SASH1: variants seen among roughly 807,000 people sequenced by gnomAD.
The protein encoded by SASH1 is SAM and SH3 domain containing 1, also known as SAM and SH3 domain-containing protein 1.
In SASH1, 44 loss-of-function variants were observed where a neutral mutation model predicts 125.2. The ratio of observed to expected loss-of-function variants is 0.35; its 90% CI spans 0.28 to 0.45. The LOEUF (loss-of-function observed/expected upper bound fraction) is 0.45, where lower values mean the gene tolerates loss of function less well. SASH1 is among the 20% of genes least tolerant of loss of function. The pLI, the probability that SASH1 is intolerant of heterozygous loss-of-function variation, is 1.00. For synonymous variants in SASH1, 639 were observed against 649.1 expected (o/e 0.98, Z 0.24); for missense variants, 1,426 against 1,614.5 (o/e 0.88, Z 2.00).
At chr6:148,503,476 TAC>T (rs1191759777) in intron 8 of SASH1, among the ~76,000 whole-genome samples, 6 of 152,254 alleles carry the variant, frequency 3.9e-5, no homozygotes, top group African/African-American at 1.2e-4. Context: ...GCATCATTAA[TAC>T]ATTGTATTGT....
intron 11 of SASH1, among the ~76,000 whole-genome samples, chr6:148,526,887 CT>C (rs763931328): frequency 8.8e-6 from 1 of 113,554 alleles, no homozygotes; most frequent in Non-Finnish European, 1.8e-5. Context: ...TTTTTTTTCC[CT>C]CTGAGAGGGA....
At chr6:148,418,143 T>C (rs1784903355) in intron 2 of SASH1, among the ~76,000 whole-genome samples, 1 of 152,238 alleles carries the variant, frequency 6.6e-6, no homozygotes, top group African/African-American at 2.4e-5. Context: ...CATTGTTCTT[T>C]CTATAGTTAA....
At chr6:148,233,753 A>AAAAAAAAAAAAAAAAAAAAAAAAAC in the SASH1 span, among the ~76,000 whole-genome samples, 1 of 146,056 alleles carries the variant, frequency 6.8e-6, no homozygotes, top group East Asian at 2.1e-4. Context: ...AAAAAAAAAA[A>AAAAAAAAAAAAAAAAAAAAAAAAAC]AAAAAAAAAA....
At chr6:148,197,318 G>A in the SASH1 span, among the ~76,000 whole-genome samples, 1 of 152,182 alleles carries the variant, frequency 6.6e-6, no homozygotes, top group Non-Finnish European at 1.5e-5. Context: ...GGATTATGTA[G>A]GATACAAACT....
chr6:148,435,794 G>T (rs1404959205), intron 2 of SASH1, among the ~76,000 whole-genome samples: 3 of 151,926 alleles, frequency 2.0e-5, no homozygotes, highest in African/African-American at 7.3e-5. Context: ...GTAGGAATTG[G>T]GGAGTTTATT....
chr6:148,260,195 AG>A, the SASH1 span, among the ~76,000 whole-genome samples: 1 of 152,260 alleles, frequency 6.6e-6, no homozygotes, highest in Non-Finnish European at 1.5e-5. Flanking sequence ...AAATACTAAA[AG>A]AACAGAGGTC....
intron 4 of SASH1, among the ~76,000 whole-genome samples, chr6:148,441,250 G>T (rs751567679): frequency 3.3e-5 from 5 of 152,238 alleles, no homozygotes; most frequent in Non-Finnish European, 5.9e-5. Flanking sequence ...GCACACGTTG[G>T]GGAGAGCGTG....
intron 1 of SASH1, among the ~76,000 whole-genome samples, chr6:148,351,804 A>ATATTTATG (rs1554240202): frequency 9.9e-6 from 1 of 101,102 alleles, no homozygotes; most frequent in African/African-American, 4.0e-5. Context: ...GAGCTAAAAC[A>ATATTTATG]TGTTTATGTG....
the SASH1 span, among the ~76,000 whole-genome samples, chr6:148,264,117 C>T: frequency 6.8e-6 from 1 of 147,226 alleles, no homozygotes; most frequent in African/African-American, 2.5e-5. Context: ...AAAGGGAGAC[C>T]TGAAGGTATG....
intron 2 of SASH1, among the ~76,000 whole-genome samples, chr6:148,397,358 C>T (rs1295347959): frequency 2.0e-5 from 3 of 152,084 alleles, no homozygotes; most frequent in Non-Finnish European, 4.4e-5. Flanking sequence ...TGGTGGCTGG[C>T]ACCTGTAGTC....
rs371033809 is a variant in SASH1, at chr6:148,293,453, C to T, written n.74+21076C>T. Among the ~76,000 whole-genome samples the T allele has an allele frequency of 5.9e-5, 9 of 152,250 alleles. No homozygotes were observed. In the East Asian group the frequency reaches 1.4e-3, roughly 23 times the overall value. On this transcript the variant is annotated intron_variant and non_coding_transcript_variant, in intron 1 of 3. Transcript: ENST00000367469. ...GAATGGAAGTGGAGTGATTGCATCC[C>T]ACAGGTTTCGGAGATGGCACTGGAT...
intron 1 of SASH1, among the ~76,000 whole-genome samples, chr6:148,297,839 A>G (rs1779805418): frequency 6.6e-6 from 1 of 152,056 alleles, no homozygotes. Context: ...CTTAAAAAAA[A>G]ATTATTAATA....
chr6:148,525,147 C>CTCA (rs1368684464), intron 10 of SASH1, 144 bp from the exon 11 acceptor site: 1 of 660,844 alleles, frequency 1.5e-6, no homozygotes, highest in African/African-American at 1.8e-5. Context: ...GTGTTTTTTT[C>CTCA]TCATCATTTC....
intron 1 of SASH1, among the ~76,000 whole-genome samples, chr6:148,305,880 C>T (rs890654643): frequency 6.6e-6 from 1 of 152,090 alleles, no homozygotes; most frequent in Non-Finnish European, 1.5e-5. Context: ...AAATCAGGTA[C>T]CAGAACGTTT....
At chr6:148,298,685 G>C (rs1346174344) in intron 1 of SASH1, among the ~76,000 whole-genome samples, 1 of 81,588 alleles carries the variant, frequency 1.2e-5, no homozygotes, top group East Asian at 3.2e-4. Context: ...AAGGAAGGAA[G>C]GAAGGAAGGA....
At chr6:148,266,059 G>A in the SASH1 span, among the ~76,000 whole-genome samples, 1 of 150,762 alleles carries the variant, frequency 6.6e-6, no homozygotes, top group African/African-American at 2.4e-5. Context: ...TGCAGCCTCC[G>A]CCTCCCAGAT....
chr6:148,391,328 T>G (rs1334774416), intron 2 of SASH1, among the ~76,000 whole-genome samples: 2 of 151,764 alleles, frequency 1.3e-5, no homozygotes, highest in African/African-American at 4.8e-5. Flanking sequence ...AGGCCGATCT[T>G]GAACTCCCGA....
At chr6:148,382,532 C>T (rs1241418872) in intron 1 of SASH1, among the ~76,000 whole-genome samples, 1 of 152,180 alleles carries the variant, frequency 6.6e-6, no homozygotes, top group Admixed American at 6.5e-5. Context: ...TCAGGTGATC[C>T]ACCTGCCTTG....
intron 5 of SASH1, 135 bp from the exon 6 acceptor site, chr6:148,471,282 A>G (rs950718555): frequency 4.6e-5 from 29 of 626,278 alleles, no homozygotes; most frequent in African/African-American, 1.5e-4. Flanking sequence ...ACTGAAAGAA[A>G]AAACTGTCCT....
Sources: allele counts gnomAD v4.1 joint callset (sites outside exome capture counted in the v4.1 genomes callset), GRCh38; gene constraint gnomAD v4.1.1; transcripts MANE v1.5; gene names NCBI Gene and HGNC (gene_info 2026-07-23, HGNC 2026-07-21).